Variants in PTPRN2 observed in about 807,000 individuals in gnomAD.
PTPRN2 encodes protein tyrosine phosphatase receptor type N2.
PTPRN2 carries 74 observed loss-of-function variants against 118.8 expected under a neutral mutation model. The observed-to-expected ratio is 0.62, with a 90% CI of 0.52 to 0.76. PTPRN2 has a LOEUF of 0.76. Among genes scored for constraint, PTPRN2 ranks in the 30% least tolerant of loss-of-function variants. The pLI is 0.00. For synonymous variants in PTPRN2, 641 were observed against 608.0 expected, an observed-to-expected ratio of 1.05 and a Z score of -0.80; for missense variants, 1,481 against 1,394.4, an observed-to-expected ratio of 1.06 and a Z score of -0.99.
At chr7:157,777,005 CCT>C (rs1221147905) in intron 12 of PTPRN2, among the ~76,000 whole-genome samples, 1 of 145,330 alleles carries the variant, frequency 6.9e-6, no homozygotes, top group Non-Finnish European at 1.5e-5. Flanking sequence ...CCTCCTCTTC[CCT>C]CTCCTCCTCT....
At chr7:158,114,884 C>A (rs550645806) in intron 9 of PTPRN2, among the ~76,000 whole-genome samples, 2 of 152,184 alleles carry the variant, frequency 1.3e-5, no homozygotes, top group Admixed American at 6.5e-5. Flanking sequence ...GTAGCACAGT[C>A]ACTCAGAGAA....
intron 2 of PTPRN2, among the ~76,000 whole-genome samples, chr7:158,416,447 G>A (rs1814662772): frequency 6.6e-6 from 1 of 152,182 alleles, no homozygotes; most frequent in Non-Finnish European, 1.5e-5. Context: ...ACCACCACAT[G>A]TTAACAGCCA....
intron 3 of PTPRN2, among the ~76,000 whole-genome samples, chr7:158,268,335 G>A (rs1370543879): frequency 1.3e-5 from 2 of 150,652 alleles, no homozygotes; most frequent in Non-Finnish European, 3.0e-5. Context: ...CGCACACAGG[G>A]CGGGTGTGAA....
intron 2 of PTPRN2, among the ~76,000 whole-genome samples, chr7:158,365,322 C>T (rs551923643): frequency 4.6e-5 from 7 of 152,168 alleles, no homozygotes; most frequent in African/African-American, 9.7e-5. Context: ...CTTCTGACAA[C>T]GGCAATTTTT....
intron 12 of PTPRN2, among the ~76,000 whole-genome samples, chr7:157,879,201 G>A (rs1424523829): frequency 6.6e-6 from 1 of 150,522 alleles, no homozygotes; most frequent in African/African-American, 2.5e-5. Flanking sequence ...GGAGCTCTCG[G>A]ATTCCGTGGG....
intron 11 of PTPRN2, among the ~76,000 whole-genome samples, chr7:158,006,762 G>C (rs374130151): frequency 6.6e-6 from 1 of 152,176 alleles, no homozygotes; most frequent in South Asian, 2.1e-4. Context: ...GTTTGGGTCT[G>C]ACTGGGGCCA....
intron 11 of PTPRN2, among the ~76,000 whole-genome samples, chr7:158,038,968 A>G (rs556208524): frequency 1.3e-5 from 2 of 152,280 alleles, no homozygotes; most frequent in Non-Finnish European, 2.9e-5. Context: ...CCAGATACAG[A>G]CAAATGAAAA....
In PTPRN2 at chr7:158,565,870, T is replaced by G. The variant is rs1586952463; in HGVS notation, c.112+21688A>C. Among the ~76,000 whole-genome samples, 1 of 152,196 alleles carries G rather than the reference T, an allele frequency of 6.6e-6. No homozygotes were observed. Among genetic ancestry groups the G allele is most frequent in the Non-Finnish European group, 1.5e-5 (1 of 68,044 alleles). On this transcript the variant is annotated intron_variant, in intron 1 of 22. Transcript: ENST00000389418. This position sits in a 1 kb window ranked among gnomAD's most constrained non-coding sequence, Gnocchi z 4.6. Reference sequence around the variant, plus strand: ...TGATGAGGAAACCGAGGCATGGAGCTTCTTAGGAACTTTCCACAGGTCACC... The same window carrying G: ...TGATGAGGAAACCGAGGCATGGAGCGTCTTAGGAACTTTCCACAGGTCACC...
intron 9 of PTPRN2, among the ~76,000 whole-genome samples, chr7:158,115,717 A>C (rs1816675845): frequency 6.6e-6 from 1 of 152,082 alleles, no homozygotes; most frequent in Non-Finnish European, 1.5e-5. Context: ...GTGAGGAAGA[A>C]ATTCCTATTG....
chr7:158,092,568 T>G (rs1814283095), intron 10 of PTPRN2, among the ~76,000 whole-genome samples: 1 of 152,140 alleles, frequency 6.6e-6, no homozygotes, highest in Admixed American at 6.5e-5. Flanking sequence ...TAAGAATCAT[T>G]TTGCATTAAA....
intron 22 of PTPRN2, among the ~76,000 whole-genome samples, chr7:157,546,897 C>A (rs1018749979): frequency 6.6e-6 from 1 of 152,240 alleles, no homozygotes; most frequent in Admixed American, 6.5e-5. Context: ...AGGATACATA[C>A]AATGGGAGGC....
chr7:157,878,279 G>T (rs1035711877), intron 12 of PTPRN2, among the ~76,000 whole-genome samples: 2 of 152,248 alleles, frequency 1.3e-5, no homozygotes, highest in African/African-American at 4.8e-5. Flanking sequence ...GGAAGGGTCA[G>T]TGTGATACCG....
At chr7:158,569,775 G>A (rs1387578639) in intron 1 of PTPRN2, among the ~76,000 whole-genome samples, 6 of 135,892 alleles carry the variant, frequency 4.4e-5, no homozygotes, top group Non-Finnish European at 8.0e-5. Context: ...CAGGAACGCG[G>A]GGCGCGAGGC....
chr7:157,691,536 G>T (rs1013539603), intron 12 of PTPRN2, among the ~76,000 whole-genome samples: 7 of 152,316 alleles, frequency 4.6e-5, no homozygotes, highest in Non-Finnish European at 7.3e-5. Context: ...GTCCCGATGC[G>T]CGTAGAAAGT....
intron 11 of PTPRN2, among the ~76,000 whole-genome samples, chr7:158,069,909 T>G (rs74772073): frequency 0.013 from 1,994 of 152,364 alleles, 27 homozygotes; most frequent in East Asian, 0.075. Context: ...GTGTAACTAT[T>G]GGCCCTAGCT....
At chr7:158,419,404 A>G (rs1901755) in intron 2 of PTPRN2, among the ~76,000 whole-genome samples, 100 of 2,470 alleles carry the variant, frequency 0.04, no homozygotes, top group Admixed American at 0.091. Context: ...CAAGAATTCC[A>G]TCATTGCAAG....
chr7:158,052,021 A>G (rs537910304), intron 11 of PTPRN2, among the ~76,000 whole-genome samples: 1 of 152,206 alleles, frequency 6.6e-6, no homozygotes, highest in African/African-American at 2.4e-5. Flanking sequence ...GGCCATTGAC[A>G]AGAGAGTCCC....
intron 12 of PTPRN2, among the ~76,000 whole-genome samples, chr7:157,855,314 C>T (rs1358990144): frequency 1.2e-4 from 18 of 152,192 alleles, no homozygotes; most frequent in African/African-American, 2.9e-4. Flanking sequence ...TTCTCGAGCT[C>T]GGCCTCTTAA....
intron 14 of PTPRN2, among the ~76,000 whole-genome samples, chr7:157,646,944 A>G (rs6950817): frequency 0.82 from 112,090 of 136,250 alleles, 45,851 homozygotes; most frequent in Admixed American, 0.87. Context: ...AGACCCATCC[A>G]GGGTGCACTG....
Sources: gnomAD v4.1 joint callset for allele counts (sites outside exome capture counted in the v4.1 genomes callset) on GRCh38, gnomAD v4.1.1 for gene constraint, Gnocchi (gnomAD v3.1) non-coding constraint, MANE v1.5 for transcripts, NCBI Gene and HGNC (gene_info 2026-07-23, HGNC 2026-07-21) for gene names.